HACE1: variants seen among roughly 807,000 people sequenced by gnomAD.
HACE1 encodes HECT domain and ankyrin repeat containing E3 ubiquitin protein ligase 1, also known as E3 ubiquitin-protein ligase HACE1.
A neutral mutation model predicts 118.4 loss-of-function variants in HACE1; 73 were observed. The observed-to-expected ratio is 0.62, with a 90% CI of 0.51 to 0.75. The LOEUF (loss-of-function observed/expected upper bound fraction) is 0.75. HACE1 is among the 30% of genes least tolerant of loss of function. The probability of loss-of-function intolerance (pLI) is 0.00; values close to 1 mark genes in which losing one functional copy is unlikely to be tolerated. For missense variants in HACE1, 749 were observed against 1,102.2 expected, an observed-to-expected ratio of 0.68 and a Z score of 4.54; for synonymous variants, 368 against 374.8, an observed-to-expected ratio of 0.98 and a Z score of 0.21.
intron 5 of HACE1, among the ~76,000 whole-genome samples, chr6:104,837,298 G>C (rs1774640362): frequency 6.6e-6 from 1 of 152,190 alleles, no homozygotes; most frequent in Non-Finnish European, 1.5e-5. Flanking sequence ...GAGACACACA[G>C]ATCAGTGGAA....
chr6:104,789,781 G>A (rs1323571686), intron 11 of HACE1, among the ~76,000 whole-genome samples: 1 of 152,058 alleles, frequency 6.6e-6, no homozygotes, highest in African/African-American at 2.4e-5. Flanking sequence ...CATCATTACT[G>A]ATGAGTAGAA....
chr6:104,730,970 CTTTGA>C (rs931006344), intron 22 of HACE1: 1 of 157,386 alleles, frequency 6.4e-6, no homozygotes, highest in African/African-American at 2.4e-5. Flanking sequence ...TTATGTTCCT[CTTTGA>C]TTTGATATTC....
At position 104,806,547 on chromosome 6, in the gene HACE1, C is replaced by T. The variant is rs184236316; in HGVS notation, c.617+4764G>A. Among the ~76,000 whole-genome samples, 47 of 152,174 alleles carry T rather than the reference C, an allele frequency of 3.1e-4. 1 individual carries two copies. The highest frequency in any genetic ancestry group is 6.8e-3 in the Middle Eastern group (2 of 294). ...CTAATAACATACAAAATCTGCACAA[C>T]GCAGTTAGGGGCTCAAGTGCCTCAC... On this transcript the variant is annotated intron_variant, in intron 7 of 23. Transcript: ENST00000262903.
chr6:104,840,547 G>A (rs1774996361), intron 5 of HACE1, among the ~76,000 whole-genome samples: 1 of 152,170 alleles, frequency 6.6e-6, no homozygotes, highest in African/African-American at 2.4e-5. Flanking sequence ...AGCTGAGAGA[G>A]GCCCGTCGCG....
At chr6:104,838,177 T>C (rs1374706857) in intron 5 of HACE1, among the ~76,000 whole-genome samples, 4 of 152,126 alleles carry the variant, frequency 2.6e-5, no homozygotes, top group Non-Finnish European at 5.9e-5. Context: ...AAAATACCAA[T>C]GACATTCTTC....
intron 20 of HACE1, among the ~76,000 whole-genome samples, chr6:104,747,668 G>A (rs535131433): frequency 1.6e-4 from 25 of 152,092 alleles, no homozygotes; most frequent in African/African-American, 5.8e-4. Context: ...CATGCTCTAT[G>A]ACCATGAACA....
rs146207667 is a variant in HACE1 at position 104,730,319 on chromosome 6, G to A, written c.2611C>T (p.Pro871Ser). ...AAVPYTPNLL[P>S]TSSTCINMLK... ...TCAACATACCATGTGCTTGAAGTTG[G>A]TAAAAGATTTGGAGTATATGGCACA... Residue 871 changes from proline to serine, a missense_variant, in exon 23 of 24, where the codon CCA becomes TCA. Around this residue, in one of 5 missense-constraint regions of HACE1, gnomAD observed 165 missense variants for 229.9 expected, o/e 0.72. Transcript: ENST00000262903. The A allele has an allele frequency of 6.6e-7, 1 of 1,522,598 alleles. No individual in the cohort carries two copies. The highest frequency in any genetic ancestry group is 9.1e-7 in the Non-Finnish European group (1 of 1,096,264). The allele number at this position is 1,522,598 out of a possible 1,614,324, so 94.3% of individuals were successfully genotyped here.
chr6:104,858,431 TG>T, intron 1 of HACE1: 1 of 337,794 alleles, frequency 3.0e-6, no homozygotes, highest in Non-Finnish European at 5.9e-6. Flanking sequence ...CCAGGCGCGG[TG>T]GCTCACATCT....
chr6:104,798,794 T>G (rs1769977827), intron 7 of HACE1, among the ~76,000 whole-genome samples: 1 of 152,232 alleles, frequency 6.6e-6, no homozygotes, highest in South Asian at 2.1e-4. Flanking sequence ...TATTTAGGGA[T>G]ATAGTGATAC....
intron 3 of HACE1, among the ~76,000 whole-genome samples, chr6:104,849,707 G>C (rs1776003146): frequency 6.6e-6 from 1 of 150,646 alleles, no homozygotes; most frequent in African/African-American, 2.4e-5. Flanking sequence ...GGAGTGCAGT[G>C]GTGCGATGTC....
intron 6 of HACE1, among the ~76,000 whole-genome samples, chr6:104,831,980 G>GGAGGAAGGA (rs1554259071): frequency 1.4e-4 from 9 of 62,862 alleles, no homozygotes; most frequent in Non-Finnish European, 2.4e-4. Flanking sequence ...GAAGAGAAGA[G>GGAGGAAGGA]AGGAAGGAAG....
chr6:104,738,701 C>G (rs1181736380), intron 22 of HACE1, among the ~76,000 whole-genome samples: 1 of 149,448 alleles, frequency 6.7e-6, no homozygotes, highest in African/African-American at 2.5e-5. Flanking sequence ...ATTGGTGGAC[C>G]TGAAAGTGAT....
At chr6:104,803,653 A>G (rs561100139) in intron 7 of HACE1, among the ~76,000 whole-genome samples, 155 of 152,366 alleles carry the variant, frequency 1.0e-3, no homozygotes, top group African/African-American at 3.7e-3. Flanking sequence ...GGCCTTCGAC[A>G]AAATTCAACA....
chr6:104,801,549 G>A (rs1325795416), intron 7 of HACE1, among the ~76,000 whole-genome samples: 1 of 152,200 alleles, frequency 6.6e-6, no homozygotes, highest in African/African-American at 2.4e-5. Flanking sequence ...AGAAGAGAGT[G>A]GGGGCTAATA....
At chr6:104,837,708 A>G (rs1316513091) in intron 5 of HACE1, among the ~76,000 whole-genome samples, 1 of 152,212 alleles carries the variant, frequency 6.6e-6, no homozygotes, top group Admixed American at 6.5e-5. Flanking sequence ...ACAGTACTGG[A>G]AGACCTAGCT....
Position 104,744,268 on chromosome 6 carries a change from A to G in HACE1, c.2443-38T>C, listed in dbSNP as rs760055675. 2.4e-6 allele frequency: 3 copies of G among 1,262,724 alleles called. No individual in the cohort carries two copies. In the Admixed American group the frequency reaches 5.0e-5, roughly 21 times the overall value. The allele number at this position is 1,262,724 out of a possible 1,614,324, so 78.2% of individuals were successfully genotyped here. A position where few individuals can be genotyped will look rare whatever the true frequency, so the allele number is the denominator to read the frequency against. On this transcript the variant is annotated intron_variant, in intron 21 of 23. Coordinates refer to ENST00000262903, the MANE Select transcript of HACE1 (RefSeq NM_020771.4). The stretch of plus-strand genomic sequence containing the variant: ...ACAAAAAACTTAGCTCATATTTCAG[A>G]GCAATTGTAGACTTCTCAATACCAG...
chr6:104,812,863 A>G (rs144434713), intron 6 of HACE1, among the ~76,000 whole-genome samples: 14 of 151,766 alleles, frequency 9.2e-5, no homozygotes, highest in Admixed American at 2.0e-4. Context: ...GAAGAAACAG[A>G]CTCTCCCCCT....
In HACE1 at chr6:104,795,677, T is replaced by G. The variant is rs776965042; in HGVS notation, c.825A>C (p.Gln275His). Reference protein sequence around the residue: ...NEDLRENMLRQVLEHLSQQSE... With the variant: ...NEDLRENMLRHVLEHLSQQSE... ...TTTGCTGAGACAAATGCTCCAGAAC[T>G]TGCCGTAACTAAATTTTTTACAAAT... is the stretch of plus-strand genomic sequence containing the variant. Residue 275 changes from glutamine (Q) to histidine (H), a missense_variant, in exon 10 of 24, where the codon CAA (glutamine) becomes CAC (histidine). Physicochemically the swap from Gln to His is conservative, Grantham distance 24. This residue lies in a region of HACE1 where 267 missense variants were observed against 312.2 expected (regional missense o/e 0.86). Transcript: ENST00000262903. 1.4e-5 allele frequency: 23 copies of G among 1,602,682 alleles called. No individual in the cohort carries two copies. Among genetic ancestry groups the G allele is most frequent in the Admixed American group, 3.3e-5 (2 of 59,976 alleles).
At chr6:104,789,956 T>C (rs1016752062) in intron 11 of HACE1, among the ~76,000 whole-genome samples, 19 of 151,984 alleles carry the variant, frequency 1.3e-4, no homozygotes, top group African/African-American at 4.4e-4. Flanking sequence ...ATCAAAATTT[T>C]ACAAAGACAG....
Sources: gnomAD v4.1 joint callset for allele counts (sites outside exome capture counted in the v4.1 genomes callset) on GRCh38, gnomAD v4.1.1 for gene constraint, gnomAD v4.1.1 regional missense constraint, MANE v1.5 for transcripts, NCBI Gene and HGNC (gene_info 2026-07-23, HGNC 2026-07-21) for gene names.